Variants in LMBR1 observed in about 807,000 individuals in gnomAD.
LMBR1 encodes the protein limb development membrane protein 1.
A neutral mutation model predicts 73.9 loss-of-function variants in LMBR1; 52 were observed. That is an observed-to-expected ratio of 0.70 (90% confidence interval 0.56 to 0.89). The LOEUF (loss-of-function observed/expected upper bound fraction) is 0.89, where lower values mean the gene tolerates loss of function less well. LMBR1 is among the 40% of genes least tolerant of loss of function. The pLI, the probability that LMBR1 is intolerant of heterozygous loss-of-function variation, is 0.00. For missense variants in LMBR1, 539 were observed against 579.8 expected (o/e 0.93, Z 0.72); for synonymous variants, 215 against 209.4 (o/e 1.03, Z -0.23).
rs756376000 is a variant in LMBR1 at position 156,763,697 on chromosome 7, G to T, written c.522C>A (p.Asn174Lys). ...IVWVASALID[N>K]DAASMESLYD... ...ATAAAGATTCCATGCTTGCGGCATC[G>T]TTGTCAATGAGTGCTGAAGCTACCC... Residue 174 changes from asparagine to lysine, a missense_variant, in exon 6 of 17, where the codon AAC becomes AAA. By Grantham distance (94) the Asn-to-Lys change is moderately conservative. Coordinates refer to ENST00000353442, the MANE Select transcript of LMBR1 (RefSeq NM_022458.4). The T allele has an allele frequency of 3.1e-6, 5 of 1,594,116 alleles. No homozygotes were observed. The highest frequency in any genetic ancestry group is 3.4e-6 in the Non-Finnish European group (4 of 1,174,714).
Position 156,791,417 on chromosome 7 carries a change from G to A in LMBR1, c.423+4972C>T, listed in dbSNP as rs1185608686. Among the ~76,000 whole-genome samples, 3 of 152,140 alleles carry A rather than the reference G, an allele frequency of 2.0e-5. No homozygotes were observed. The highest frequency in any genetic ancestry group is 6.6e-5 in the Admixed American group (1 of 15,262). On this transcript the variant is annotated intron_variant, in intron 5 of 16. Coordinates refer to ENST00000353442, the MANE Select transcript of LMBR1 (RefSeq NM_022458.4). ...TACTCACTCTGTGTCTCTTTAAGAT[G>A]GAGGCCTGATACAAATTAGCCACTG...
chr7:156,809,163 G>C (rs2133577668), intron 4 of LMBR1, among the ~76,000 whole-genome samples: 1 of 152,216 alleles, frequency 6.6e-6, no homozygotes, highest in Non-Finnish European at 1.5e-5. Context: ...TTAGCTCACG[G>C]TTCCTAGATA....
chr7:156,680,403 A>AGAGTGTGTGTGT lies in LMBR1; in HGVS notation c.*3674_*3675insACACACACACTC, dbSNP rs1343950098. The AGAGTGTGTGTGT allele has an allele frequency of 2.4e-4, 30 of 125,166 alleles. No individual in the cohort carries two copies. Among genetic ancestry groups the AGAGTGTGTGTGT allele is most frequent in the African/African-American group, 4.3e-4 (14 of 32,668 alleles). 7.8% of individuals were successfully genotyped at this position (125,166 alleles called of 1,614,324 possible). A position where few individuals can be genotyped will look rare whatever the true frequency, so the allele number is the denominator to read the frequency against. ...GAGAGAGAGAGAGAGAGAGAGAGAGAGTGTGTGTGTGTGTGTGTGTGTAAT... is the reference window on the plus strand; with the variant it reads ...GAGAGAGAGAGAGAGAGAGAGAGAGAGAGTGTGTGTGTGTGTGTGTGTGTGTGTGTGTGTAAT... On this transcript the variant is annotated 3_prime_UTR_variant, in exon 17 of 17. Transcript: ENST00000353442.
chr7:156,875,408 G>A (rs1166775863), intron 1 of LMBR1, among the ~76,000 whole-genome samples: 1 of 152,218 alleles, frequency 6.6e-6, no homozygotes, highest in East Asian at 1.9e-4. Context: ...AGGAATAACT[G>A]AGGAAAATTT....
At chr7:156,828,187 T>TG (rs1248592491) in intron 3 of LMBR1, among the ~76,000 whole-genome samples, 1 of 152,210 alleles carries the variant, frequency 6.6e-6, no homozygotes, top group Non-Finnish European at 1.5e-5. Flanking sequence ...TCTCTCACTA[T>TG]GACCCATTTC....
chr7:156,762,296 T>C, intron 7 of LMBR1, 98 bp from the exon 8 acceptor site: 1 of 759,826 alleles, frequency 1.3e-6, no homozygotes, highest in Non-Finnish European at 2.3e-6. Context: ...AATTCAAGGA[T>C]TATCATTTTA....
chr7:156,676,598 T>C (rs758271866), downstream of LMBR1: 3 of 1,614,066 alleles, frequency 1.9e-6, no homozygotes, highest in East Asian at 6.7e-5. Context: ...ACAGGCCTCC[T>C]TTCCATGCCT....
intron 1 of LMBR1, among the ~76,000 whole-genome samples, chr7:156,864,505 T>G (rs1586315314): frequency 6.6e-6 from 1 of 152,094 alleles, no homozygotes; most frequent in South Asian, 2.1e-4. Context: ...CCATAGGAGG[T>G]TACGAATGAA....
chr7:156,729,748 C>T (rs970360292), intron 10 of LMBR1, among the ~76,000 whole-genome samples: 2 of 152,204 alleles, frequency 1.3e-5, no homozygotes, highest in African/African-American at 4.8e-5. Context: ...GCTGGGATTA[C>T]AGGCGTGAGC....
At chr7:156,891,980 G>A (rs965835311) in intron 1 of LMBR1, among the ~76,000 whole-genome samples, 5 of 152,182 alleles carry the variant, frequency 3.3e-5, no homozygotes, top group Non-Finnish European at 7.3e-5. Context: ...AGACAACTTA[G>A]GAGAGGCGTA....
rs545711293 is a variant in LMBR1 at position 156,802,118 on chromosome 7, G to GA, written c.320-5627dup. ...CTGCCTCAGCCTCCTGAGTAGCTGG[G>GA]ATAACAGGCACGCGCCACTGCGCCA... is the stretch of plus-strand genomic sequence containing the variant. On this transcript the variant is annotated intron_variant, in intron 4 of 16. Coordinates refer to ENST00000353442, the MANE Select transcript of LMBR1 (RefSeq NM_022458.4). 1.8e-4 allele frequency among the ~76,000 whole-genome samples: 27 copies of GA among 152,262 alleles called. No homozygotes were observed. In the East Asian group the frequency reaches 4.8e-3, roughly 27 times the overall value.
Position 156,892,923 on chromosome 7 carries a change from C to T in LMBR1, c.66+5G>A. On this transcript the variant is annotated splice_donor_5th_base_variant and intron_variant, in intron 1 of 16. Transcript: ENST00000353442. Reference sequence around the variant, plus strand: ...ACTGTCAGGGCTGCCTCGGTCCCCACGCACCGTGGACTCCCGCACTTGGCT... The same window carrying T: ...ACTGTCAGGGCTGCCTCGGTCCCCATGCACCGTGGACTCCCGCACTTGGCT... The T allele has an allele frequency of 6.6e-7, 1 of 1,522,696 alleles. No homozygotes were observed. The highest frequency in any genetic ancestry group is 8.8e-7 in the Non-Finnish European group (1 of 1,142,674). The allele number at this position is 1,522,696 out of a possible 1,614,324, so 94.3% of individuals were successfully genotyped here. A position where few individuals can be genotyped will look rare whatever the true frequency, so the allele number is the denominator to read the frequency against.
intron 1 of LMBR1, among the ~76,000 whole-genome samples, chr7:156,871,160 G>A (rs1299714311): frequency 6.6e-6 from 1 of 152,030 alleles, no homozygotes; most frequent in Non-Finnish European, 1.5e-5. Context: ...ACTAAAAACA[G>A]CCATATGCCA....
chr7:156,762,374 A>C (rs1395678201), intron 7 of LMBR1, among the ~76,000 whole-genome samples, 176 bp from the exon 8 acceptor site: 1 of 152,248 alleles, frequency 6.6e-6, no homozygotes, highest in East Asian at 1.9e-4. Flanking sequence ...TCATCAATAA[A>C]GAAGCTAGAG....
chr7:156,831,275 A>T (rs1019017776), intron 3 of LMBR1, among the ~76,000 whole-genome samples: 9 of 127,946 alleles, frequency 7.0e-5, no homozygotes, highest in Non-Finnish European at 1.3e-4. Flanking sequence ...CCTACCCTAG[A>T]TTTTTTTTTT....
chr7:156,891,432 T>C (rs1487649600), intron 1 of LMBR1, among the ~76,000 whole-genome samples: 3 of 151,130 alleles, frequency 2.0e-5, no homozygotes, highest in Non-Finnish European at 4.4e-5. Flanking sequence ...ACAAACATTG[T>C]ACAAGAAACT....
chr7:156,893,126 G>A lies in LMBR1; in HGVS notation c.-133C>T, dbSNP rs1028275776. 16 of 855,880 alleles carry A rather than the reference G, an allele frequency of 1.9e-5. No individual in the cohort carries two copies. The Admixed American group carries it at 4.4e-4, about 24-fold the overall frequency. The allele number at this position is 855,880 out of a possible 1,614,324, so 53.0% of individuals were successfully genotyped here. On this transcript the variant is annotated 5_prime_UTR_variant, in exon 1 of 17. Transcript: ENST00000353442. Reference sequence around the variant, plus strand: ...GGGCCCGCGAGCCGTGTTGGAACAGGTACCGCGACCACGACACCGGCCGTC... The same window carrying A: ...GGGCCCGCGAGCCGTGTTGGAACAGATACCGCGACCACGACACCGGCCGTC...
At chr7:156,707,117 A>G (rs1211580133) in intron 15 of LMBR1, among the ~76,000 whole-genome samples, 2 of 152,174 alleles carry the variant, frequency 1.3e-5, no homozygotes, top group Non-Finnish European at 2.9e-5. Flanking sequence ...ATACATTCAC[A>G]AAATAGAAAA....
At chr7:156,714,698 T>C (rs1204624467) in intron 15 of LMBR1, among the ~76,000 whole-genome samples, 1 of 152,138 alleles carries the variant, frequency 6.6e-6, no homozygotes, top group African/African-American at 2.4e-5. Context: ...AAGTAGACTC[T>C]GAATGGAAAG....
Sources: allele counts gnomAD v4.1 joint callset (sites outside exome capture counted in the v4.1 genomes callset), GRCh38; gene constraint gnomAD v4.1.1; transcripts MANE v1.5; gene names NCBI Gene and HGNC (gene_info 2026-07-23, HGNC 2026-07-21).